Variants in KDM1B observed in about 807,000 individuals in gnomAD.
KDM1B encodes lysine-specific histone demethylase 2.
In KDM1B, 63 loss-of-function variants were observed where a neutral mutation model predicts 107.4. That is an observed-to-expected ratio of 0.59 (90% CI 0.48 to 0.72). The LOEUF is 0.72. KDM1B is among the 30% of genes least tolerant of loss of function. The pLI, the probability that KDM1B is intolerant of heterozygous loss-of-function variation, is 0.00. For synonymous variants in KDM1B, 363 were observed against 363.9 expected (o/e 1.00, Z 0.03); for missense variants, 749 against 1,020.8 (o/e 0.73, Z 3.63).
At chr6:18,193,215 AGAATT>A (rs1302442093) in intron 10 of KDM1B, among the ~76,000 whole-genome samples, 2 of 149,618 alleles carry the variant, frequency 1.3e-5, no homozygotes, top group Non-Finnish European at 3.0e-5. Flanking sequence ...AAAAAAAAAA[AGAATT>A]TATATACTTA....
chr6:18,206,339 A>AATGGCAACC (rs1367548928), intron 15 of KDM1B, among the ~76,000 whole-genome samples: 3 of 151,830 alleles, frequency 2.0e-5, no homozygotes, highest in African/African-American at 7.3e-5. Context: ...AACATGGCAA[A>AATGGCAACC]ATCCTGTCTC....
Position 18,167,375 on chromosome 6 carries a change from T to C in KDM1B, c.417+997T>C, listed in dbSNP as rs759593620. On this transcript the variant is annotated intron_variant, in intron 6 of 21. Coordinates refer to ENST00000650836, the MANE Select transcript of KDM1B (RefSeq NM_001364614.2). ...TGTCTCAAAAAAAGAAAAAAAAAAT[T>C]AAATTGACCTCATATTCTTTTTTCA... Among the ~76,000 whole-genome samples, 8 of 152,058 alleles carry C rather than the reference T, an allele frequency of 5.3e-5. No homozygotes were observed. The South Asian group carries it at 1.5e-3, about 28-fold the overall frequency.
chr6:18,212,690 ACTAT>A lies in KDM1B; in HGVS notation c.1983+90_1983+93del, dbSNP rs1788936094. On this transcript the variant is annotated intron_variant, in intron 18 of 21. Transcript: ENST00000650836. This position sits in a 1 kb window ranked among gnomAD's most constrained non-coding sequence, Gnocchi z 5.2. Reference sequence around the variant, plus strand: ...CTTCTGATATGGAGAAGTAGTGGGTACTATCTAAATACAAATAAAACTCAAGGAT... The same window carrying A: ...CTTCTGATATGGAGAAGTAGTGGGTACTAAATACAAATAAAACTCAAGGAT... The A allele has an allele frequency of 2.4e-6, 2 of 845,810 alleles. No individual in the cohort carries two copies. Among genetic ancestry groups the A allele is most frequent in the African/African-American group, 3.3e-5 (2 of 60,054 alleles). The allele number at this position is 845,810 out of a possible 1,614,324, so 52.4% of individuals were successfully genotyped here. A position where few individuals can be genotyped will look rare whatever the true frequency, so the allele number is the denominator to read the frequency against.
intron 21 of KDM1B, among the ~76,000 whole-genome samples, chr6:18,220,324 G>GT (rs1789587443): frequency 6.6e-6 from 1 of 152,168 alleles, no homozygotes; most frequent in Non-Finnish European, 1.5e-5. Flanking sequence ...TGAGACAGGT[G>GT]TATCACCTGA....
At chr6:18,202,865 C>T (rs1788132477) in intron 14 of KDM1B, among the ~76,000 whole-genome samples, 1 of 152,170 alleles carries the variant, frequency 6.6e-6, no homozygotes, top group East Asian at 1.9e-4. Context: ...GACTGATATA[C>T]TACAAGAGAA....
chr6:18,213,835 G>T lies in KDM1B; in HGVS notation c.2109+54G>T. ...ATTTCCGTCTTAAAGTTTAGAATTT[G>T]ATGTGATAATTACTCACCTATCAAG... On this transcript the variant is annotated intron_variant, in intron 19 of 21. Coordinates refer to ENST00000650836, the MANE Select transcript of KDM1B (RefSeq NM_001364614.2). This position sits in a 1 kb window ranked among gnomAD's most constrained non-coding sequence, Gnocchi z 5.9. The T allele has an allele frequency of 6.3e-7, 1 of 1,598,374 alleles. No individual in the cohort carries two copies. The highest frequency in any genetic ancestry group is 1.1e-5 in the South Asian group (1 of 90,548).
intron 3 of KDM1B, among the ~76,000 whole-genome samples, chr6:18,160,325 T>C (rs1784889388): frequency 6.6e-6 from 1 of 152,140 alleles, no homozygotes; most frequent in Non-Finnish European, 1.5e-5. Context: ...CAGCTTGGAA[T>C]TGGTTGAATG....
At chr6:18,173,547 G>T (rs939884994) in intron 7 of KDM1B, among the ~76,000 whole-genome samples, 2 of 151,946 alleles carry the variant, frequency 1.3e-5, no homozygotes, top group African/African-American at 4.8e-5. Context: ...AGAACTTTTT[G>T]TGTCTTTTCT....
Position 18,186,047 on chromosome 6 carries a change from CAA to C in KDM1B, c.573+239_573+240del, listed in dbSNP as rs550441794. 3.8e-4 allele frequency among the ~76,000 whole-genome samples: 58 copies of C among 152,236 alleles called. No homozygotes were observed. Among genetic ancestry groups the C allele is most frequent in the Non-Finnish European group, 5.7e-4 (39 of 68,006 alleles). The stretch of plus-strand genomic sequence containing the variant: ...TATGTTGCTTTTCATTAAAAGGAAA[CAA>C]AGAGGAAGACACAGCTCTCCTGCCT... On this transcript the variant is annotated intron_variant, in intron 8 of 21. Transcript: ENST00000650836. The surrounding 1 kb of genome is among the most constrained non-coding windows in gnomAD (Gnocchi z 5.6).
chr6:18,210,359 T>TTTG (rs1788763955), intron 17 of KDM1B, among the ~76,000 whole-genome samples: 1 of 90,592 alleles, frequency 1.1e-5, no homozygotes, highest in African/African-American at 5.2e-5. Context: ...TTTTTTTTTT[T>TTTG]TTTTTTTTTT....
chr6:18,210,124 T>C (rs932477070), intron 17 of KDM1B, among the ~76,000 whole-genome samples: 1 of 152,154 alleles, frequency 6.6e-6, no homozygotes, highest in African/African-American at 2.4e-5. Flanking sequence ...ATATTTTTAT[T>C]GTAGCTAGCA....
intron 7 of KDM1B, among the ~76,000 whole-genome samples, chr6:18,183,496 G>A (rs940606348): frequency 6.6e-6 from 1 of 151,782 alleles, no homozygotes; most frequent in Non-Finnish European, 1.5e-5. Flanking sequence ...CTGAACTCAG[G>A]TGATCCACCC....
At chr6:18,167,802 G>C (rs540449108) in intron 6 of KDM1B, among the ~76,000 whole-genome samples, 1 of 151,950 alleles carries the variant, frequency 6.6e-6, no homozygotes, top group Non-Finnish European at 1.5e-5. Flanking sequence ...TTGCTCTGTC[G>C]TTCAGGCTAG....
In KDM1B at chr6:18,213,704, G is replaced by T; in HGVS notation, c.2032G>T (p.Ala678Ser). 2 of 1,614,120 alleles carry T rather than the reference G, an allele frequency of 1.2e-6. No individual in the cohort carries two copies. The highest frequency in any genetic ancestry group is 1.7e-6 in the Non-Finnish European group (2 of 1,179,988). Residue 678 changes from alanine (A) to serine (S), a missense_variant, in exon 19 of 22, where the codon GCT (alanine) becomes TCT (serine). Transcript: ENST00000650836. This position sits in a 1 kb window ranked among gnomAD's most constrained non-coding sequence, Gnocchi z 5.9. ...ATTTTGGGACAGTAAAGTACAAGGG[G>T]CTGACTTTTTTGGTCACGTTCCTCC... ...YRFWDSKVQG[A>S]DFFGHVPPSA...
In KDM1B at chr6:18,203,072, G is replaced by T. The variant is rs1364342192; in HGVS notation, c.1531+1415G>T. Among the ~76,000 whole-genome samples, 1 of 152,156 alleles carries T rather than the reference G, an allele frequency of 6.6e-6. No homozygotes were observed. Among genetic ancestry groups the T allele is most frequent in the African/African-American group, 2.4e-5 (1 of 41,434 alleles). On this transcript the variant is annotated intron_variant, in intron 14 of 21. Coordinates refer to ENST00000650836, the MANE Select transcript of KDM1B (RefSeq NM_001364614.2). The surrounding 1 kb of genome is among the most constrained non-coding windows in gnomAD (Gnocchi z 5.5). ...TGGAGTTTTCATTACATGTCTTTCA[G>T]AGTCACCATATAAAAATGTTTAATG...
At chr6:18,163,838 A>T (rs1785119282) in intron 5 of KDM1B, among the ~76,000 whole-genome samples, 1 of 152,136 alleles carries the variant, frequency 6.6e-6, no homozygotes, top group Non-Finnish European at 1.5e-5. Flanking sequence ...TATGGCCCGT[A>T]ATGTAGTGTA....
chr6:18,184,353 C>T (rs1375383059), intron 7 of KDM1B, among the ~76,000 whole-genome samples: 1 of 149,036 alleles, frequency 6.7e-6, no homozygotes, highest in East Asian at 2.0e-4. Context: ...TGGCTCACTC[C>T]AACTTCCGCC....
At chr6:18,166,751 G>C (rs1785324364) in intron 6 of KDM1B, among the ~76,000 whole-genome samples, 1 of 151,858 alleles carries the variant, frequency 6.6e-6, no homozygotes, top group Non-Finnish European at 1.5e-5. Flanking sequence ...CTACTCATCA[G>C]GTTGAGGTTG....
rs886751893 is a variant in KDM1B at position 18,203,390 on chromosome 6, A to C, written c.1531+1733A>C. Among the ~76,000 whole-genome samples the C allele has an allele frequency of 6.6e-6, 1 of 152,162 alleles. No homozygotes were observed. The highest frequency in any genetic ancestry group is 1.5e-5 in the Non-Finnish European group (1 of 68,014). On this transcript the variant is annotated intron_variant, in intron 14 of 21. Transcript: ENST00000650836. The surrounding 1 kb of genome is among the most constrained non-coding windows in gnomAD (Gnocchi z 5.5). ...TGTTTAAAAGCTTTGATAGTAGTGC[A>C]CACATCTCTGTGTAAGGCTATAGTT... is the stretch of plus-strand genomic sequence containing the variant.
Sources: allele counts gnomAD v4.1 joint callset (sites outside exome capture counted in the v4.1 genomes callset), GRCh38; gene constraint gnomAD v4.1.1; non-coding constraint Gnocchi (gnomAD v3.1); transcripts MANE v1.5; gene names NCBI Gene and HGNC (gene_info 2026-07-23, HGNC 2026-07-21).